The following GPR35 variants were observed in gnomAD, a reference collection of about 807,000 sequenced individuals.
The protein encoded by GPR35 is KYNA receptor.
For synonymous variants in GPR35, 207 were observed against 198.4 expected, an observed-to-expected ratio of 1.04 and a Z score of -0.36; for missense variants, 372 against 422.5, an observed-to-expected ratio of 0.88 and a Z score of 1.05.
At chr2:240,619,741 C>A (rs1575464186) in intron 5 of GPR35, among the ~76,000 whole-genome samples, 1 of 152,376 alleles carries the variant, frequency 6.6e-6, no homozygotes, top group East Asian at 1.9e-4. Context: ...CCCCGCCAGA[C>A]TCCCCCAACC....
chr2:240,619,926 G>A lies in GPR35; in HGVS notation c.-5+895G>A, dbSNP rs201735308. Among the ~76,000 whole-genome samples the A allele has an allele frequency of 2.8e-4, 42 of 152,318 alleles. 1 individual carries two copies. In the South Asian group the frequency reaches 6.8e-3, roughly 25 times the overall value. On this transcript the variant is annotated intron_variant, in intron 5 of 5. Transcript: ENST00000319838. ...TTGGGAGGGCCTCAAGCGGGGGCCC[G>A]ATGGCTCTCTCTGCTGAGAAGGGAG...
At chr2:240,612,854 C>T (rs189220797) in intron 2 of GPR35, among the ~76,000 whole-genome samples, 8 of 152,350 alleles carry the variant, frequency 5.3e-5, no homozygotes, top group Admixed American at 4.6e-4. Flanking sequence ...ATCCACATCC[C>T]AGCCTGCAGG....
upstream of GPR35, among the ~76,000 whole-genome samples, chr2:240,620,787 C>A (rs2043285171): frequency 6.6e-6 from 1 of 152,230 alleles, no homozygotes; most frequent in Admixed American, 6.5e-5. Context: ...CCCGCTACCT[C>A]CTCTGCCCCA....
rs1294859845 is a variant in GPR35, at chr2:240,631,691, C to T, written c.*809C>T. The stretch of plus-strand genomic sequence containing the variant: ...CTGGCAGGGGCAGGGGTTGGGTGCC[C>T]ACTCAGGTAAAGGCACGATGTCCTG... On this transcript the variant is annotated 3_prime_UTR_variant, in exon 2 of 2. Transcript: ENST00000407714. Among the ~76,000 whole-genome samples, 1 of 152,174 alleles carries T rather than the reference C, an allele frequency of 6.6e-6. No homozygotes were observed. The highest frequency in any genetic ancestry group is 2.4e-5 in the African/African-American group (1 of 41,448).
chr2:240,618,798 T>C, intron 4 of GPR35: 1 of 548,016 alleles, frequency 1.8e-6, no homozygotes, highest in Non-Finnish European at 3.2e-6. Flanking sequence ...TGTCTATATG[T>C]ACATAAACAT....
chr2:240,617,410 G>A lies in GPR35; in HGVS notation c.-149+17G>A, dbSNP rs1218890459. ...ATTTTAGAGGTAATTTTTTTGTGTAGCAATAGGTAGCTGACAATGCACAGC... is the reference window on the plus strand; with the variant it reads ...ATTTTAGAGGTAATTTTTTTGTGTAACAATAGGTAGCTGACAATGCACAGC... On this transcript the variant is annotated intron_variant, in intron 4 of 5. Transcript: ENST00000319838. 12 of 608,404 alleles carry A rather than the reference G, an allele frequency of 2.0e-5. No homozygotes were observed. In the Admixed American group the frequency reaches 2.9e-4, roughly 15 times the overall value. The allele number at this position is 608,404 out of a possible 1,614,324, so 37.7% of individuals were successfully genotyped here. A position where few individuals can be genotyped will look rare whatever the true frequency, so the allele number is the denominator to read the frequency against.
At chr2:240,627,628 C>CTTTTTTTTTTTTTTTTTTTT (rs60197961) in intron 1 of GPR35, 1 of 69,652 alleles carries the variant, frequency 1.4e-5, no homozygotes, top group Non-Finnish European at 2.5e-5. Flanking sequence ...AATTTTCTGT[C>CTTTTTTTTTTTTTTTTTTTT]TTTTTTTTTT....
upstream of GPR35, among the ~76,000 whole-genome samples, chr2:240,620,584 C>A (rs1179186923): frequency 2.6e-5 from 4 of 152,138 alleles, no homozygotes; most frequent in Non-Finnish European, 2.9e-5. Context: ...CCCTTCCAGA[C>A]CCCTGGGACC....
upstream of GPR35, among the ~76,000 whole-genome samples, chr2:240,621,021 G>T (rs955833569): frequency 1.3e-5 from 2 of 152,172 alleles, no homozygotes; most frequent in African/African-American, 4.8e-5. Context: ...ACCTGGTTCT[G>T]TGAAGAGGGG....
At chr2:240,626,904 C>T (rs2043384748) in intron 1 of GPR35, among the ~76,000 whole-genome samples, 1 of 152,188 alleles carries the variant, frequency 6.6e-6, no homozygotes, top group African/African-American at 2.4e-5. Flanking sequence ...GCTGGATCGC[C>T]CGTCTATGGC....
rs1208628268 is a variant in GPR35 at position 240,632,716 on chromosome 2, C to G, written c.*1834C>G. On this transcript the variant is annotated 3_prime_UTR_variant, in exon 2 of 2. Coordinates refer to ENST00000407714, the MANE Select transcript of GPR35 (RefSeq NM_005301.5). ...CATGAGATCCTCATGCCCAGGAAGGCCCATGCCCAGGAGGGTCCATGCCCA... is the reference window on the plus strand; with the variant it reads ...CATGAGATCCTCATGCCCAGGAAGGGCCATGCCCAGGAGGGTCCATGCCCA... 2.1e-5 allele frequency among the ~76,000 whole-genome samples: 3 copies of G among 144,746 alleles called. No individual in the cohort carries two copies. The highest frequency in any genetic ancestry group is 6.8e-5 in the Admixed American group (1 of 14,656). The allele number at this position is 144,746 out of a possible 152,430, so 95.0% of individuals were successfully genotyped here. A position where few individuals can be genotyped will look rare whatever the true frequency, so the allele number is the denominator to read the frequency against.
chr2:240,618,864 A>G, intron 4 of GPR35: 1 of 639,612 alleles, frequency 1.6e-6, no homozygotes, highest in East Asian at 2.8e-5. Flanking sequence ...GTGTGTAGAA[A>G]TATTTCTCCC....
At chr2:240,608,255 A>G (rs1278123376) in intron 2 of GPR35, among the ~76,000 whole-genome samples, 1 of 151,998 alleles carries the variant, frequency 6.6e-6, no homozygotes, top group Admixed American at 6.6e-5. Context: ...TTCCTTTTCT[A>G]TCTGCTTTTT....
upstream of GPR35, among the ~76,000 whole-genome samples, chr2:240,623,368 G>A (rs1464364794): frequency 8.4e-5 from 11 of 130,370 alleles, 2 homozygotes; most frequent in African/African-American, 3.0e-4. Context: ...TCGTGAGGGC[G>A]CAAACAGGTC....
At chr2:240,625,929 T>C (rs62186535) in intron 1 of GPR35, among the ~76,000 whole-genome samples, 5,986 of 32,618 alleles carry the variant, frequency 0.18, 332 homozygotes, top group Admixed American at 0.34. Flanking sequence ...GGTCTCAGAG[T>C]GGGGTGAGGC....
At chr2:240,613,140 C>T (rs1355543788) in intron 2 of GPR35, among the ~76,000 whole-genome samples, 1 of 152,184 alleles carries the variant, frequency 6.6e-6, no homozygotes, top group African/African-American at 2.4e-5. Context: ...GCTCAGTAAA[C>T]AAGAGCTCCA....
At chr2:240,610,594 A>C (rs1470683616) in intron 2 of GPR35, among the ~76,000 whole-genome samples, 2 of 151,810 alleles carry the variant, frequency 1.3e-5, no homozygotes, top group African/African-American at 4.8e-5. Context: ...CCAAGTAGCT[A>C]GGACTACAGG....
At chr2:240,614,123 C>A (rs1049739683) in intron 2 of GPR35, among the ~76,000 whole-genome samples, 1 of 152,102 alleles carries the variant, frequency 6.6e-6, no homozygotes, top group African/African-American at 2.4e-5. Context: ...CTAAGCCTAA[C>A]CCTAACACTA....
chr2:240,624,187 C>T (rs2043342119), upstream of GPR35, among the ~76,000 whole-genome samples: 1 of 152,056 alleles, frequency 6.6e-6, no homozygotes, highest in African/African-American at 2.4e-5. Flanking sequence ...GTGCCTTCTG[C>T]TGACCCCAGA....
Sources: gnomAD v4.1 joint callset for allele counts (sites outside exome capture counted in the v4.1 genomes callset) on GRCh38, gnomAD v4.1.1 for gene constraint, MANE v1.5 for transcripts, NCBI Gene and HGNC (gene_info 2026-07-23, HGNC 2026-07-21) for gene names.